SGCZ: variants seen among roughly 807,000 people sequenced by gnomAD.
SGCZ encodes sarcoglycan zeta, also known as zeta-sarcoglycan.
In SGCZ, 40 loss-of-function variants were observed where a neutral mutation model predicts 41.3. That is an observed-to-expected ratio of 0.97 (90% CI 0.75 to 1.26). The LOEUF (loss-of-function observed/expected upper bound fraction) is 1.26. SGCZ is among the 50% of genes most tolerant of loss of function. The probability of loss-of-function intolerance (pLI) is 0.00; values close to 1 mark genes in which losing one functional copy is unlikely to be tolerated. For synonymous variants in SGCZ, 206 were observed against 137.5 expected, an observed-to-expected ratio of 1.50 and a Z score of -3.49; for missense variants, 552 against 369.8, an observed-to-expected ratio of 1.49 and a Z score of -4.04.
intron 3 of SGCZ, among the ~76,000 whole-genome samples, chr8:14,247,308 G>C (rs1432777901): frequency 6.6e-6 from 1 of 152,104 alleles, no homozygotes; most frequent in Non-Finnish European, 1.5e-5. Flanking sequence ...ACAGTAATCA[G>C]AGTAGTCCCC....
At chr8:15,211,636 C>G (rs1179725602) in intron 1 of SGCZ, among the ~76,000 whole-genome samples, 1 of 152,108 alleles carries the variant, frequency 6.6e-6, no homozygotes, top group Non-Finnish European at 1.5e-5. Context: ...AATATCATAC[C>G]TTCTTCTATG....
At chr8:14,964,363 T>C (rs1801064177) in intron 1 of SGCZ, among the ~76,000 whole-genome samples, 1 of 152,206 alleles carries the variant, frequency 6.6e-6, no homozygotes, top group Non-Finnish European at 1.5e-5. Flanking sequence ...CTCACTGAAA[T>C]GCCTTGATAT....
intron 1 of SGCZ, among the ~76,000 whole-genome samples, chr8:14,958,105 G>A (rs1349767961): frequency 6.6e-6 from 1 of 151,896 alleles, no homozygotes. Flanking sequence ...ATAACATGTT[G>A]GGTAGAACCA....
At chr8:15,187,027 C>T (rs562045288) in intron 1 of SGCZ, among the ~76,000 whole-genome samples, 4 of 152,084 alleles carry the variant, frequency 2.6e-5, no homozygotes, top group Non-Finnish European at 5.9e-5. Flanking sequence ...TAAAGCATTA[C>T]GTCCAATGAT....
intron 1 of SGCZ, among the ~76,000 whole-genome samples, chr8:14,597,267 G>C (rs1158448033): frequency 6.6e-6 from 1 of 152,158 alleles, no homozygotes; most frequent in African/African-American, 2.4e-5. Context: ...GGAAACTTTG[G>C]TGTGTGGCAC....
At chr8:14,549,752 T>G (rs530580072) in intron 2 of SGCZ, among the ~76,000 whole-genome samples, 1 of 151,930 alleles carries the variant, frequency 6.6e-6, no homozygotes. Context: ...TACAGACATA[T>G]ATGAATACAG....
chr8:14,825,016 T>C lies in SGCZ; in HGVS notation c.40-270090A>G, dbSNP rs539461480. ...AATTAGCAGAGTCCCAAACTGAAAA[T>C]ACTGTTTCCCACACTATACTAAACT... On this transcript the variant is annotated intron_variant, in intron 1 of 7. Transcript: ENST00000382080. 2.6e-5 allele frequency among the ~76,000 whole-genome samples: 4 copies of C among 152,234 alleles called. No individual in the cohort carries two copies. The South Asian group carries it at 8.3e-4, about 31-fold the overall frequency.
intron 1 of SGCZ, among the ~76,000 whole-genome samples, chr8:14,709,348 AC>A (rs1809440722): frequency 6.6e-6 from 1 of 152,136 alleles, no homozygotes; most frequent in Non-Finnish European, 1.5e-5. Context: ...CCACCTCATT[AC>A]TTCAGCTTAA....
chr8:14,720,392 A>G (rs557901396), intron 1 of SGCZ, among the ~76,000 whole-genome samples: 1 of 152,152 alleles, frequency 6.6e-6, no homozygotes, highest in African/African-American at 2.4e-5. Context: ...AATAAAGAGA[A>G]TAACTACTGT....
chr8:15,203,255 A>C (rs2117139267), intron 1 of SGCZ, among the ~76,000 whole-genome samples: 1 of 152,334 alleles, frequency 6.6e-6, no homozygotes, highest in South Asian at 2.1e-4. Context: ...AAGTAAATTT[A>C]AATGTAAATC....
At chr8:14,327,515 G>A (rs1244946822) in intron 2 of SGCZ, among the ~76,000 whole-genome samples, 1 of 152,114 alleles carries the variant, frequency 6.6e-6, no homozygotes, top group East Asian at 1.9e-4. Flanking sequence ...CAGAGCAATG[G>A]AAACTAGTTC....
At chr8:15,019,634 G>C (rs778375642) in intron 1 of SGCZ, among the ~76,000 whole-genome samples, 8 of 151,678 alleles carry the variant, frequency 5.3e-5, no homozygotes, top group Non-Finnish European at 1.0e-4. Context: ...GCTGGACAAA[G>C]GGAGGTGGGG....
At chr8:14,767,583 C>T (rs998610329) in intron 1 of SGCZ, among the ~76,000 whole-genome samples, 1 of 152,144 alleles carries the variant, frequency 6.6e-6, no homozygotes, top group Admixed American at 6.5e-5. Flanking sequence ...GATAAATCTT[C>T]CTCTCTGCTT....
At chr8:14,432,682 G>A (rs1255396269) in intron 2 of SGCZ, among the ~76,000 whole-genome samples, 1 of 152,138 alleles carries the variant, frequency 6.6e-6, no homozygotes, top group Non-Finnish European at 1.5e-5. Context: ...GGGAGGCTGA[G>A]GCGGGCCGAT....
At chr8:14,640,199 A>G (rs911998571) in intron 1 of SGCZ, among the ~76,000 whole-genome samples, 19 of 151,902 alleles carry the variant, frequency 1.3e-4, no homozygotes, top group African/African-American at 4.1e-4. Context: ...AAATTGCTTT[A>G]TCTTCCTTCT....
chr8:14,277,066 G>T (rs1800261783), intron 3 of SGCZ, among the ~76,000 whole-genome samples: 1 of 151,966 alleles, frequency 6.6e-6, no homozygotes, highest in Non-Finnish European at 1.5e-5. Context: ...TGTGCTATTT[G>T]TCCAATTCTT....
intron 1 of SGCZ, among the ~76,000 whole-genome samples, chr8:14,907,202 T>G (rs561034440): frequency 7.2e-5 from 11 of 152,106 alleles, no homozygotes; most frequent in African/African-American, 2.4e-4. Context: ...AGTTACCCAT[T>G]ATTATTTTTT....
chr8:14,461,514 A>T (rs1199668297), intron 2 of SGCZ, among the ~76,000 whole-genome samples: 1 of 152,112 alleles, frequency 6.6e-6, no homozygotes, highest in East Asian at 1.9e-4. Flanking sequence ...TAGAGACTGC[A>T]CTTTAACAAA....
rs1018723810 is a variant in SGCZ, at chr8:14,181,493, C to G, written c.425-16791G>C. Reference sequence around the variant, plus strand: ...AATCAACAGAGAACCAACATAAGCTCTTAAAGGCGTTACCTGTTGATATGG... The same window carrying G: ...AATCAACAGAGAACCAACATAAGCTGTTAAAGGCGTTACCTGTTGATATGG... On this transcript the variant is annotated intron_variant, in intron 4 of 7. Transcript: ENST00000382080. 2.6e-5 allele frequency among the ~76,000 whole-genome samples: 4 copies of G among 152,200 alleles called. No homozygotes were observed. The South Asian group carries it at 8.3e-4, about 31-fold the overall frequency.
Sources: allele counts gnomAD v4.1 joint callset (sites outside exome capture counted in the v4.1 genomes callset), GRCh38; gene constraint gnomAD v4.1.1; transcripts MANE v1.5; gene names NCBI Gene and HGNC (gene_info 2026-07-23, HGNC 2026-07-21).